The following BAZ2B variants were observed in gnomAD, a reference collection of about 807,000 sequenced individuals.
The protein encoded by BAZ2B is bromodomain adjacent to zinc finger domain protein 2B.
Under a neutral mutation model 246.0 loss-of-function variants are expected in BAZ2B, and 91 were observed. That is an observed-to-expected ratio of 0.37 (90% CI 0.31 to 0.44). The LOEUF (loss-of-function observed/expected upper bound fraction) is 0.44. BAZ2B is among the 20% of genes least tolerant of loss of function. BAZ2B has a pLI of 1.00. For missense variants in BAZ2B, 2,332 were observed against 2,533.7 expected, an observed-to-expected ratio of 0.92 and a Z score of 1.71; for synonymous variants, 855 against 860.0, an observed-to-expected ratio of 0.99 and a Z score of 0.10.
At chr2:159,632,465 G>A in the BAZ2B span, among the ~76,000 whole-genome samples, 2 of 152,102 alleles carry the variant, frequency 1.3e-5, no homozygotes, top group Non-Finnish European at 1.5e-5. Flanking sequence ...TTAAAAACAA[G>A]TCCTTAAAAC....
chr2:159,584,947 T>C (rs7576644), intron 1 of BAZ2B, among the ~76,000 whole-genome samples: 83,957 of 152,074 alleles, frequency 0.55, 23,952 homozygotes, highest in East Asian at 0.74. Flanking sequence ...TCTCCCCCTT[T>C]GCCTGCTGTC....
intron 2 of BAZ2B, among the ~76,000 whole-genome samples, chr2:159,537,238 G>A (rs1208969011): frequency 6.6e-6 from 1 of 152,188 alleles, no homozygotes; most frequent in Non-Finnish European, 1.5e-5. Flanking sequence ...TAAAATGGTG[G>A]GTCACCAAGG....
At chr2:159,344,950 C>T (rs566548557) in intron 31 of BAZ2B, among the ~76,000 whole-genome samples, 55 of 152,280 alleles carry the variant, frequency 3.6e-4, no homozygotes, top group African/African-American at 1.3e-3. Flanking sequence ...TGGCTCACAC[C>T]TGTAATCCCA....
chr2:159,581,200 A>T (rs1686686860), intron 1 of BAZ2B, among the ~76,000 whole-genome samples: 1 of 152,272 alleles, frequency 6.6e-6, no homozygotes. Context: ...GAATCTACAA[A>T]GAACTTAAAC....
upstream of BAZ2B, chr2:159,617,110 C>T (rs1055114774): frequency 4.6e-5 from 7 of 152,040 alleles, no homozygotes; most frequent in East Asian, 1.3e-3. Flanking sequence ...GTTATATGCA[C>T]ACACTGTAAA....
chr2:159,546,441 A>T (rs1211980268), intron 2 of BAZ2B, among the ~76,000 whole-genome samples: 2 of 148,836 alleles, frequency 1.3e-5, no homozygotes, highest in African/African-American at 2.5e-5. Flanking sequence ...TCTTTTGTAA[A>T]TTGCCCAGTC....
Position 159,497,467 on chromosome 2 carries a change from G to A in BAZ2B, c.-2-18746C>T, listed in dbSNP as rs560405378. Among the ~76,000 whole-genome samples the A allele has an allele frequency of 5.3e-5, 8 of 152,168 alleles. No homozygotes were observed. The East Asian group carries it at 9.6e-4, about 18-fold the overall frequency. On this transcript the variant is annotated intron_variant, in intron 2 of 36. Coordinates refer to ENST00000392783, the MANE Select transcript of BAZ2B (RefSeq NM_013450.4). ...AGGAAATCCTTGTCTCTTAACAGTG[G>A]GCCACATGGTCCCATTCCTGTGGTC...
At chr2:159,561,319 G>A (rs185398655) in intron 1 of BAZ2B, among the ~76,000 whole-genome samples, 7 of 152,148 alleles carry the variant, frequency 4.6e-5, no homozygotes, top group African/African-American at 1.4e-4. Context: ...AGACACCTTT[G>A]GGTTTGGTCC....
rs572519474 is a variant in BAZ2B at position 159,405,361 on chromosome 2, G to A, written c.2678-247C>T. 5.3e-5 allele frequency among the ~76,000 whole-genome samples: 8 copies of A among 152,102 alleles called. No homozygotes were observed. In the South Asian group the frequency reaches 6.2e-4, roughly 12 times the overall value. On this transcript the variant is annotated intron_variant, in intron 14 of 36. Transcript: ENST00000392783. ...CAAGTAGCTGGGATTACAGGCGTGC[G>A]CCACCACACCCAGCTAATTTTTGTA...
chr2:159,665,243 G>A, the BAZ2B span, among the ~76,000 whole-genome samples: 2 of 51,046 alleles, frequency 3.9e-5, no homozygotes, highest in African/African-American at 1.6e-4. Flanking sequence ...TCATGGGTAG[G>A]AAGAATCAAT....
At position 159,322,528 on chromosome 2, in the gene BAZ2B, C is replaced by T. The variant is rs540542659; in HGVS notation, c.6354-2110G>A. ...ACAATCTGTGTGGGAATGATTTTTA[C>T]AAAATATTTTAAAGTTGATTTGAGA... On this transcript the variant is annotated intron_variant, in intron 36 of 36. Transcript: ENST00000392783. Among the ~76,000 whole-genome samples the T allele has an allele frequency of 2.0e-5, 3 of 152,204 alleles. No homozygotes were observed. The East Asian group carries it at 5.8e-4, about 29-fold the overall frequency.
the BAZ2B span, among the ~76,000 whole-genome samples, chr2:159,623,069 G>A: frequency 1.4e-5 from 2 of 146,178 alleles, no homozygotes; most frequent in Non-Finnish European, 3.0e-5. Context: ...GGGAAGGGAA[G>A]AGAAGGGAAG....
chr2:159,643,542 G>GT, the BAZ2B span, among the ~76,000 whole-genome samples: 1 of 151,958 alleles, frequency 6.6e-6, no homozygotes, highest in African/African-American at 2.4e-5. Context: ...TTGGTCCCCC[G>GT]TAATTCATAC....
Position 159,325,071 on chromosome 2 carries a change from T to A in BAZ2B, c.6210-117A>T, listed in dbSNP as rs1283095738. 1.2e-3 allele frequency: 2 copies of A among 1,674 alleles called. 1 individual carries two copies. The highest frequency in any genetic ancestry group is 3.9e-3 in the African/African-American group (2 of 510). The allele number at this position is 1,674 out of a possible 1,614,324, so 0.1% of individuals were successfully genotyped here. ...TATATATATATATATTATATATATA[T>A]ATATATTATATATATATATATTATA... On this transcript the variant is annotated intron_variant, in intron 35 of 36. Coordinates refer to ENST00000392783, the MANE Select transcript of BAZ2B (RefSeq NM_013450.4).
the BAZ2B span, among the ~76,000 whole-genome samples, chr2:159,707,812 G>C: frequency 6.6e-6 from 1 of 151,166 alleles, no homozygotes; most frequent in African/African-American, 2.4e-5. Flanking sequence ...GGGCGACAGA[G>C]CAAGACTCCA....
chr2:159,615,397 A>C (rs913945874), intron 1 of BAZ2B: 1 of 152,318 alleles, frequency 6.6e-6, no homozygotes, highest in African/African-American at 2.4e-5. Flanking sequence ...CACAGACCTT[A>C]CTGTATGAGA....
chr2:159,551,620 C>A (rs914344926), intron 2 of BAZ2B, among the ~76,000 whole-genome samples: 1 of 151,750 alleles, frequency 6.6e-6, no homozygotes, highest in Non-Finnish European at 1.5e-5. Flanking sequence ...TGCAAAAATA[C>A]GCTCAGAGAA....
intron 3 of BAZ2B, chr2:159,458,969 G>C (rs1369831256): frequency 6.6e-6 from 1 of 152,112 alleles, no homozygotes; most frequent in East Asian, 1.9e-4. Flanking sequence ...TTAATAAATT[G>C]TTTCTCACTG....
chr2:159,652,631 A>G, the BAZ2B span, among the ~76,000 whole-genome samples: 1 of 151,802 alleles, frequency 6.6e-6, no homozygotes, highest in Non-Finnish European at 1.5e-5. Flanking sequence ...TTTTTTTGAG[A>G]CAGTATCTTG....
Sources: gnomAD v4.1 joint callset for allele counts (sites outside exome capture counted in the v4.1 genomes callset) on GRCh38, gnomAD v4.1.1 for gene constraint, MANE v1.5 for transcripts, NCBI Gene and HGNC (gene_info 2026-07-23, HGNC 2026-07-21) for gene names.